JPT1: variants seen among roughly 807,000 people sequenced by gnomAD.
JPT1 encodes Jupiter microtubule associated homolog 1, also known as androgen-regulated protein 2.
Under a neutral mutation model 17.0 loss-of-function variants are expected in JPT1, and 5 were observed. The observed-to-expected ratio is 0.29, with a 90% CI of 0.15 to 0.62. The LOEUF is 0.62. Ranked by LOEUF, JPT1 falls within the 20% of genes least tolerant of loss-of-function variation. JPT1 has a pLI of 0.85. For synonymous variants in JPT1, 71 were observed against 73.6 expected, an observed-to-expected ratio of 0.96 and a Z score of 0.18; for missense variants, 158 against 188.1, an observed-to-expected ratio of 0.84 and a Z score of 0.94.
chr17:75,140,597 C>T (rs774788622), intron 4 of JPT1, among the ~76,000 whole-genome samples: 14 of 152,092 alleles, frequency 9.2e-5, no homozygotes, highest in Admixed American at 2.0e-4. Flanking sequence ...ATAAATTTCC[C>T]GTATATCCAA....
At chr17:75,140,677 C>CCT (rs1403690821) in intron 4 of JPT1, among the ~76,000 whole-genome samples, 2 of 152,176 alleles carry the variant, frequency 1.3e-5, no homozygotes, top group African/African-American at 4.8e-5. Flanking sequence ...TATTACTGTA[C>CCT]CTCAGCCAGG....
rs527445912 is a variant in JPT1 at position 75,149,556 on chromosome 17, A to G, written c.57-885T>C. On this transcript the variant is annotated intron_variant, in intron 1 of 4. Coordinates refer to ENST00000409753, the MANE Select transcript of JPT1 (RefSeq NM_016185.4). ...CTAATTTTTTGTATTTTTAGTAGAG[A>G]CGGGGTTTCACCGTGTTAGCCAGGA... 5.5e-4 allele frequency among the ~76,000 whole-genome samples: 83 copies of G among 152,046 alleles called. 2 individuals are homozygous for G. In the South Asian group the frequency reaches 0.017, roughly 32 times the overall value.
intron 4 of JPT1, chr17:75,142,619 AG>A: frequency 1.0e-5 from 1 of 95,840 alleles, no homozygotes; most frequent in South Asian, 4.6e-5. Flanking sequence ...GGGAGAGAGG[AG>A]GGGAGGGAGG....
At chr17:75,137,538 T>G (rs538650353) in intron 4 of JPT1, among the ~76,000 whole-genome samples, 1 of 151,574 alleles carries the variant, frequency 6.6e-6, no homozygotes, top group Non-Finnish European at 1.5e-5. Context: ...GTTTTTTTTT[T>G]TTTTTTATTT....
intron 4 of JPT1, among the ~76,000 whole-genome samples, chr17:75,139,081 A>C (rs534620562): frequency 8.3e-4 from 127 of 152,342 alleles, no homozygotes; most frequent in African/African-American, 3.0e-3. Context: ...GATCAGACAC[A>C]CAAGTCCTAC....
intron 4 of JPT1, among the ~76,000 whole-genome samples, chr17:75,139,426 C>T (rs1313617843): frequency 6.6e-6 from 1 of 152,092 alleles, no homozygotes; most frequent in East Asian, 1.9e-4. Flanking sequence ...ATTACTAGAA[C>T]TGTTTTGTTT....
At chr17:75,147,770 G>C (rs138322515) in intron 2 of JPT1, 117 bp from the exon 3 acceptor site, 2 of 730,304 alleles carry the variant, frequency 2.7e-6, no homozygotes, top group East Asian at 2.7e-5. Context: ...AGGCCGAGGC[G>C]GGCAGATCAC....
rs2074483888 is a variant in JPT1 at position 75,148,516 on chromosome 17, A to G, written c.199+13T>C. On this transcript the variant is annotated intron_variant, in intron 2 of 4. Transcript: ENST00000409753. ...CCATCCCTTTGAACAGTGAGCACAG[A>G]TAACAAGAGTACCTGCTGACTTGGC... 1.2e-6 allele frequency: 2 copies of G among 1,614,096 alleles called. No individual in the cohort carries two copies. Among genetic ancestry groups the G allele is most frequent in the Non-Finnish European group, 1.7e-6 (2 of 1,180,004 alleles).
At chr17:75,136,327 T>C (rs2074196326) in intron 4 of JPT1, 77 bp from the exon 5 acceptor site, 4 of 1,448,566 alleles carry the variant, frequency 2.8e-6, no homozygotes, top group Non-Finnish European at 3.7e-6. Context: ...GTTTCTCTTT[T>C]TCTTTTTTTT....
Position 75,136,056 on chromosome 17 carries a change from A to G in JPT1, c.*46T>C, listed in dbSNP as rs1348772574. On this transcript the variant is annotated 3_prime_UTR_variant, in exon 5 of 5. Transcript: ENST00000409753. Reference sequence around the variant, plus strand: ...TCAGGCTCAAGTTGTGCAGTTCACAAGCATGGAGGAAACAGACAGAACGAC... The same window carrying G: ...TCAGGCTCAAGTTGTGCAGTTCACAGGCATGGAGGAAACAGACAGAACGAC... The G allele has an allele frequency of 2.5e-6, 4 of 1,614,218 alleles. No individual in the cohort carries two copies. The highest frequency in any genetic ancestry group is 3.3e-5 in the Admixed American group (2 of 60,030).
At position 75,137,542 on chromosome 17, in the gene JPT1, T is replaced by A. The variant is rs533713394; in HGVS notation, c.317-1292A>T. Among the ~76,000 whole-genome samples the A allele has an allele frequency of 3.0e-4, 45 of 151,716 alleles. No homozygotes were observed. In the East Asian group the frequency reaches 3.9e-3, roughly 13 times the overall value. ...TGGCTATTTTTGTTTTTTTTTTTTT[T>A]TTATTTTTAAAAGATGGGGTCTCCT... On this transcript the variant is annotated intron_variant, in intron 4 of 4. Coordinates refer to ENST00000409753, the MANE Select transcript of JPT1 (RefSeq NM_016185.4).
At chr17:75,142,108 G>C (rs923418411) in intron 4 of JPT1, among the ~76,000 whole-genome samples, 2 of 152,082 alleles carry the variant, frequency 1.3e-5, no homozygotes, top group Non-Finnish European at 2.9e-5. Flanking sequence ...AAAGGGAACA[G>C]AATTATTAAT....
At chr17:75,152,486 A>G (rs929780811) in intron 1 of JPT1, among the ~76,000 whole-genome samples, 1 of 152,208 alleles carries the variant, frequency 6.6e-6, no homozygotes, top group African/African-American at 2.4e-5. Context: ...TAAAATGACA[A>G]TGCTACTACA....
At chr17:75,136,323 C>T in intron 4 of JPT1, 73 bp from the exon 5 acceptor site, 1 of 1,433,698 alleles carries the variant, frequency 7.0e-7, no homozygotes, top group African/African-American at 1.4e-5. Context: ...ATCTGTTTCT[C>T]TTTTTCTTTT....
chr17:75,142,885 TACAC>T (rs79949682), intron 4 of JPT1: 277 of 376,826 alleles, frequency 7.4e-4, no homozygotes, highest in Non-Finnish European at 9.3e-4. Flanking sequence ...TATATGAAAA[TACAC>T]ACACACACAC....
intron 1 of JPT1, 35 bp downstream of exon 1, chr17:75,154,307 C>A: frequency 1.3e-6 from 2 of 1,525,928 alleles, no homozygotes; most frequent in Non-Finnish European, 1.8e-6. Flanking sequence ...AGCCCCTCAG[C>A]CCCGCGCGGC....
intron 1 of JPT1, among the ~76,000 whole-genome samples, chr17:75,149,484 C>T (rs142607544): frequency 6.6e-6 from 1 of 152,162 alleles, no homozygotes; most frequent in South Asian, 2.1e-4. Context: ...TCACCTGCCT[C>T]AGCCTCCCGG....
chr17:75,147,411 TA>T, intron 3 of JPT1, 144 bp downstream of exon 3: 2 of 594,650 alleles, frequency 3.4e-6, no homozygotes, highest in South Asian at 4.2e-5. Flanking sequence ...ATGATTTTAC[TA>T]TCAATCTTCC....
At chr17:75,143,364 A>C (rs1185159256) in intron 4 of JPT1, among the ~76,000 whole-genome samples, 1 of 150,192 alleles carries the variant, frequency 6.7e-6, no homozygotes, top group Non-Finnish European at 1.5e-5. Context: ...GTTCAGTATC[A>C]GCCCGGCCAA....
Sources: allele counts gnomAD v4.1 joint callset (sites outside exome capture counted in the v4.1 genomes callset), GRCh38; gene constraint gnomAD v4.1.1; transcripts MANE v1.5; gene names NCBI Gene and HGNC (gene_info 2026-07-23, HGNC 2026-07-21).